Variants in CBR4 observed in about 807,000 individuals in gnomAD.
CBR4 encodes the protein 3-oxoacyl-[acyl-carrier-protein] reductase.
A neutral mutation model predicts 21.0 loss-of-function variants in CBR4; 22 were observed. That is an observed-to-expected ratio of 1.05 (90% CI 0.75 to 1.50). The LOEUF (loss-of-function observed/expected upper bound fraction) is 1.50, where lower values mean the gene tolerates loss of function less well. Ranked by LOEUF, CBR4 falls within the 40% of genes most tolerant of loss-of-function variation. CBR4 has a pLI of 0.00. For synonymous variants in CBR4, 100 were observed against 104.4 expected, an observed-to-expected ratio of 0.96 and a Z score of 0.26; for missense variants, 302 against 286.3, an observed-to-expected ratio of 1.05 and a Z score of -0.40.
At chr4:168,904,055 G>A in intron 2 of CBR4, 2 of 759,714 alleles carry the variant, frequency 2.6e-6, no homozygotes, top group South Asian at 3.1e-5. Flanking sequence ...CTTGGTTTCA[G>A]AGGATAGAAA....
intron 2 of CBR4, among the ~76,000 whole-genome samples, chr4:168,975,224 G>A (rs150965264): frequency 3.3e-5 from 5 of 152,162 alleles, no homozygotes; most frequent in East Asian, 1.9e-4. Context: ...GCTGGCAATG[G>A]GGAATGTCTG....
chr4:168,907,639 T>C (rs1227336293), intron 2 of CBR4, among the ~76,000 whole-genome samples: 1 of 152,132 alleles, frequency 6.6e-6, no homozygotes, highest in East Asian at 1.9e-4. Context: ...TTACTGCCCT[T>C]ATTCCAGGCC....
At chr4:168,948,349 GC>G (rs1763450577) in intron 2 of CBR4, among the ~76,000 whole-genome samples, 1 of 152,060 alleles carries the variant, frequency 6.6e-6, no homozygotes, top group Admixed American at 6.5e-5. Flanking sequence ...TGTTCTTTTT[GC>G]CATGCAAAAA....
Position 168,989,686 on chromosome 4 carries a change from T to C in CBR4, c.*464A>G. 2 of 982,898 alleles carry C rather than the reference T, an allele frequency of 2.0e-6. No homozygotes were observed. The highest frequency in any genetic ancestry group is 2.4e-6 in the Non-Finnish European group (2 of 827,636). 60.9% of individuals were successfully genotyped at this position (982,898 alleles called of 1,614,324 possible). On this transcript the variant is annotated 3_prime_UTR_variant, in exon 5 of 5. Transcript: ENST00000306193. Reference sequence around the variant, plus strand: ...AATAATTCATCATAATTAGACAATATAATTTTTCCACTTTTGAGACAAAAT... The same window carrying C: ...AATAATTCATCATAATTAGACAATACAATTTTTCCACTTTTGAGACAAAAT...
intron 2 of CBR4, among the ~76,000 whole-genome samples, chr4:168,950,149 C>G (rs1326942600): frequency 6.6e-6 from 1 of 151,940 alleles, no homozygotes; most frequent in Non-Finnish European, 1.5e-5. Flanking sequence ...TTCCTTTCTT[C>G]TGCTGGGTTT....
At chr4:169,006,370 A>T (rs978708010) in intron 3 of CBR4, among the ~76,000 whole-genome samples, 1 of 152,174 alleles carries the variant, frequency 6.6e-6, no homozygotes, top group East Asian at 1.9e-4. Flanking sequence ...AAAAATCAGA[A>T]TGATCCAATT....
intron 2 of CBR4, among the ~76,000 whole-genome samples, chr4:168,962,764 C>A (rs987415144): frequency 2.0e-5 from 3 of 151,908 alleles, no homozygotes; most frequent in Admixed American, 2.0e-4. Context: ...AAGAAGACAG[C>A]CCAGGACAGA....
intron 2 of CBR4, among the ~76,000 whole-genome samples, chr4:168,937,219 T>C (rs994958224): frequency 6.6e-6 from 1 of 152,162 alleles, no homozygotes; most frequent in East Asian, 1.9e-4. Flanking sequence ...CTAAGCTTCA[T>C]AAGCGAAGGA....
chr4:168,913,824 TTTATGAAATAATGTC>T, intron 2 of CBR4: 2 of 850,440 alleles, frequency 2.4e-6, no homozygotes, highest in Non-Finnish European at 4.1e-6. Context: ...TACTGAATTT[TTTATGAAATAATGTC>T]TTATAGAGAA....
intron 2 of CBR4, chr4:168,915,852 A>T: frequency 6.6e-7 from 1 of 1,526,428 alleles, no homozygotes; most frequent in Non-Finnish European, 9.1e-7. Flanking sequence ...GGAAGTAACT[A>T]CTATCTATAT....
At chr4:168,919,023 TAAG>T (rs1760847864) in intron 2 of CBR4, among the ~76,000 whole-genome samples, 1 of 152,098 alleles carries the variant, frequency 6.6e-6, no homozygotes. Context: ...ATATAAAAAA[TAAG>T]AGAGTGACTA....
chr4:168,979,000 T>C (rs945807289), intron 2 of CBR4, among the ~76,000 whole-genome samples: 1 of 151,274 alleles, frequency 6.6e-6, no homozygotes. Flanking sequence ...CCAACTGCTA[T>C]CAGAATCAGG....
At chr4:168,940,450 T>G (rs1345913504) in intron 2 of CBR4, among the ~76,000 whole-genome samples, 3 of 152,136 alleles carry the variant, frequency 2.0e-5, no homozygotes, top group Admixed American at 6.5e-5. Context: ...GGGATCTAAT[T>G]AAACTAAATA....
chr4:168,979,255 G>A (rs1420733880), intron 2 of CBR4, among the ~76,000 whole-genome samples: 1 of 151,688 alleles, frequency 6.6e-6, no homozygotes, highest in Non-Finnish European at 1.5e-5. Flanking sequence ...AGTTCCCAGT[G>A]GCAGCAGGCA....
intron 2 of CBR4, among the ~76,000 whole-genome samples, chr4:168,934,799 T>G (rs1763063839): frequency 6.6e-6 from 1 of 152,112 alleles, no homozygotes; most frequent in Middle Eastern, 3.2e-3. Context: ...TTCCAAAAAT[T>G]GAAGAGAAGG....
At chr4:168,952,207 T>A (rs1763561121) in intron 2 of CBR4, among the ~76,000 whole-genome samples, 2 of 152,326 alleles carry the variant, frequency 1.3e-5, no homozygotes, top group South Asian at 4.1e-4. Flanking sequence ...TCAATTCTAT[T>A]GCTGAGATTT....
rs1237061334 is a variant in CBR4 at position 168,922,136 on chromosome 4, C to G, written n.170-27371G>C. On this transcript the variant is annotated intron_variant and non_coding_transcript_variant, in intron 2 of 3. Coordinates refer to the CBR4 transcript ENST00000509108. The stretch of plus-strand genomic sequence containing the variant: ...ACACACACACACACACACACACACA[C>G]ACACACACCTGGTTTTTAAAACAAC... 6.8e-5 allele frequency among the ~76,000 whole-genome samples: 8 copies of G among 116,946 alleles called. No homozygotes were observed. In the East Asian group the frequency reaches 2.6e-3, roughly 38 times the overall value. The allele number at this position is 116,946 out of a possible 152,430, so 76.7% of individuals were successfully genotyped here.
rs1005871528 is a variant in CBR4 at position 168,988,897 on chromosome 4, C to T, written c.*1253G>A. 2 of 979,542 alleles carry T rather than the reference C, an allele frequency of 2.0e-6. No homozygotes were observed. Among genetic ancestry groups the T allele is most frequent in the East Asian group, 2.3e-4 (2 of 8,782 alleles). 60.7% of individuals were successfully genotyped at this position (979,542 alleles called of 1,614,324 possible). A position where few individuals can be genotyped will look rare whatever the true frequency, so the allele number is the denominator to read the frequency against. On this transcript the variant is annotated 3_prime_UTR_variant, in exon 5 of 5. Transcript: ENST00000306193. ...ACTGACTTTCAATATAAAATTAAATCTCTGCTTACACAAAATAACTGTCAG... is the reference window on the plus strand; with the variant it reads ...ACTGACTTTCAATATAAAATTAAATTTCTGCTTACACAAAATAACTGTCAG...
At chr4:168,904,792 G>T (rs1426256973) in intron 2 of CBR4, among the ~76,000 whole-genome samples, 2 of 152,038 alleles carry the variant, frequency 1.3e-5, no homozygotes, top group East Asian at 3.9e-4. Context: ...TTTAGCATTA[G>T]AAACTATATA....
Sources: allele counts gnomAD v4.1 joint callset (sites outside exome capture counted in the v4.1 genomes callset), GRCh38; gene constraint gnomAD v4.1.1; transcripts MANE v1.5; gene names NCBI Gene and HGNC (gene_info 2026-07-23, HGNC 2026-07-21).